RAD51B: variants seen among roughly 807,000 people sequenced by gnomAD.
RAD51B encodes RAD51 paralog B, also known as DNA repair protein RAD51 homolog 2.
A neutral mutation model predicts 42.2 loss-of-function variants in RAD51B; 38 were observed. That is an observed-to-expected ratio of 0.90 (90% CI 0.70 to 1.18). The LOEUF is 1.18. RAD51B is among the 50% of genes most tolerant of loss of function. The pLI is 0.00. For missense variants in RAD51B, 373 were observed against 400.7 expected (o/e 0.93, Z 0.59); for synonymous variants, 154 against 145.2 (o/e 1.06, Z -0.43).
chr14:68,603,727 T>A (rs1048345452), intron 10 of RAD51B, among the ~76,000 whole-genome samples: 1 of 152,216 alleles, frequency 6.6e-6, no homozygotes, highest in African/African-American at 2.4e-5. Flanking sequence ...GAGTTAATGA[T>A]TACTGCTGTT....
At chr14:67,910,398 T>C in intron 7 of RAD51B, among the ~76,000 whole-genome samples, 1 of 85,238 alleles carries the variant, frequency 1.2e-5, no homozygotes. Context: ...AGAGCGAGAC[T>C]CTGTCTCAAA....
chr14:68,450,478 C>G (rs534714382), intron 9 of RAD51B, among the ~76,000 whole-genome samples: 1 of 152,224 alleles, frequency 6.6e-6, no homozygotes, highest in African/African-American at 2.4e-5. Context: ...CTTGGCCGCC[C>G]GAAGTGCTGG....
chr14:68,536,773 G>T (rs547250110), intron 10 of RAD51B, among the ~76,000 whole-genome samples: 13 of 151,784 alleles, frequency 8.6e-5, no homozygotes, highest in Non-Finnish European at 1.6e-4. Flanking sequence ...TTTCCTATTG[G>T]TTTTCTTTCA....
At chr14:68,334,876 A>G (rs1420257475) in intron 8 of RAD51B, among the ~76,000 whole-genome samples, 2 of 141,640 alleles carry the variant, frequency 1.4e-5, no homozygotes, top group South Asian at 2.2e-4. Flanking sequence ...GATATATAGG[A>G]TAGATATATA....
downstream of RAD51B, among the ~76,000 whole-genome samples, chr14:68,615,041 T>C (rs1038676011): frequency 1.3e-5 from 2 of 152,072 alleles, no homozygotes; most frequent in Non-Finnish European, 2.9e-5. Flanking sequence ...CCCAGCTAAT[T>C]TTTGTATTTT....
chr14:67,898,717 A>G (rs1404869349), intron 7 of RAD51B, among the ~76,000 whole-genome samples: 1 of 152,244 alleles, frequency 6.6e-6, no homozygotes, highest in Non-Finnish European at 1.5e-5. Flanking sequence ...GTATATGTCA[A>G]ACAAATAAAA....
chr14:67,857,120 T>A (rs2042021408), intron 4 of RAD51B, among the ~76,000 whole-genome samples: 1 of 152,176 alleles, frequency 6.6e-6, no homozygotes, highest in Non-Finnish European at 1.5e-5. Context: ...TAAAAATTAT[T>A]AATGTTGAAA....
chr14:68,434,369 C>T (rs1382226339), intron 9 of RAD51B, among the ~76,000 whole-genome samples: 1 of 152,182 alleles, frequency 6.6e-6, no homozygotes, highest in Non-Finnish European at 1.5e-5. Context: ...AGGCAGGCCT[C>T]CTTGAGCTGC....
intron 7 of RAD51B, among the ~76,000 whole-genome samples, chr14:67,930,359 C>G (rs2044683710): frequency 6.6e-6 from 1 of 151,718 alleles, no homozygotes; most frequent in South Asian, 2.1e-4. Flanking sequence ...TTTCCACTCC[C>G]TTGAGCATTT....
intron 7 of RAD51B, among the ~76,000 whole-genome samples, chr14:68,266,846 A>G (rs2081001549): frequency 6.6e-6 from 1 of 152,258 alleles, no homozygotes; most frequent in Non-Finnish European, 1.5e-5. Flanking sequence ...CAAATGTGTA[A>G]TAAATATGAA....
chr14:67,912,382 A>T (rs2044013025), intron 7 of RAD51B, among the ~76,000 whole-genome samples: 1 of 152,206 alleles, frequency 6.6e-6, no homozygotes, highest in South Asian at 2.1e-4. Context: ...TATGCTAGGT[A>T]TATGAAAATA....
At chr14:67,932,179 C>T (rs1434610969) in intron 7 of RAD51B, among the ~76,000 whole-genome samples, 1 of 152,144 alleles carries the variant, frequency 6.6e-6, no homozygotes, top group South Asian at 2.1e-4. Context: ...ATCTTTATGT[C>T]CATGTGTACC....
At chr14:68,596,890 T>C (rs932734856), downstream of RAD51B, among the ~76,000 whole-genome samples, 2 of 152,118 alleles carry the variant, frequency 1.3e-5, no homozygotes, top group African/African-American at 4.8e-5. Context: ...AGTGCAGCTG[T>C]CCTCCTGGCC....
intron 9 of RAD51B, among the ~76,000 whole-genome samples, chr14:68,423,741 C>T (rs1373266043): frequency 6.6e-6 from 1 of 152,130 alleles, no homozygotes; most frequent in African/African-American, 2.4e-5. Flanking sequence ...ACCTTCAATA[C>T]TTATACTTGG....
chr14:68,658,912 C>G (rs1376336153), intron 11 of RAD51B, among the ~76,000 whole-genome samples: 1 of 152,204 alleles, frequency 6.6e-6, no homozygotes, highest in Non-Finnish European at 1.5e-5. Context: ...CACACAGCTC[C>G]CTGGAGTAAG....
chr14:68,619,467 A>AG (rs1250221296), intron 10 of RAD51B, among the ~76,000 whole-genome samples: 2 of 151,858 alleles, frequency 1.3e-5, no homozygotes, highest in Non-Finnish European at 2.9e-5. Flanking sequence ...ATCTCAAAAA[A>AG]AAAAAGAAAA....
At chr14:68,258,631 G>A (rs1222578863) in intron 7 of RAD51B, among the ~76,000 whole-genome samples, 5 of 152,040 alleles carry the variant, frequency 3.3e-5, no homozygotes, top group Non-Finnish European at 7.4e-5. Flanking sequence ...GTGTGTGTGC[G>A]TATGTAAGGT....
At chr14:68,052,609 ACTTCTT>A (rs536666118) in intron 7 of RAD51B, among the ~76,000 whole-genome samples, 7 of 144,812 alleles carry the variant, frequency 4.8e-5, no homozygotes, top group Admixed American at 1.4e-4. Flanking sequence ...CACTTCCATG[ACTTCTT>A]CTTCTTCTTC....
At chr14:68,098,566 C>T (rs1391073842) in intron 7 of RAD51B, among the ~76,000 whole-genome samples, 3 of 152,068 alleles carry the variant, frequency 2.0e-5, no homozygotes, top group Admixed American at 6.6e-5. Flanking sequence ...AGAGGAAAAA[C>T]GAGGATGATG....
Sources: gnomAD v4.1 joint callset for allele counts (sites outside exome capture counted in the v4.1 genomes callset) on GRCh38, gnomAD v4.1.1 for gene constraint, MANE v1.5 for transcripts, NCBI Gene and HGNC (gene_info 2026-07-23, HGNC 2026-07-21) for gene names.